FCGR1A: variants seen among roughly 807,000 people sequenced by gnomAD.
The protein encoded by FCGR1A is high affinity immunoglobulin gamma Fc receptor I.
FCGR1A carries 13 observed loss-of-function variants against 35.0 expected under a neutral mutation model. The ratio of observed to expected loss-of-function variants is 0.37; its 90% CI spans 0.24 to 0.59. FCGR1A has a LOEUF of 0.59. FCGR1A is among the 20% of genes least tolerant of loss of function. FCGR1A has a pLI of 0.71. For synonymous variants in FCGR1A, 91 were observed against 164.7 expected, an observed-to-expected ratio of 0.55 and a Z score of 3.43; for missense variants, 227 against 430.0, an observed-to-expected ratio of 0.53 and a Z score of 4.17.
At chr1:149,800,123 C>T in the FCGR1A span, among the ~76,000 whole-genome samples, 1 of 151,934 alleles carries the variant, frequency 6.6e-6, no homozygotes, top group Non-Finnish European at 1.5e-5. Flanking sequence ...TAGAGCAGTT[C>T]ATGAAACTCA....
downstream of FCGR1A, chr1:149,793,043 C>T (rs587615524): frequency 4.8e-6 from 6 of 1,261,646 alleles, no homozygotes; most frequent in South Asian, 7.7e-5. Flanking sequence ...AGCTCCCGGG[C>T]CCCGGCGCGG....
At chr1:149,796,675 C>T (rs1553752822), downstream of FCGR1A, among the ~76,000 whole-genome samples, 1 of 152,142 alleles carries the variant, frequency 6.6e-6, no homozygotes, top group African/African-American at 2.4e-5. Flanking sequence ...ATTGCAATTT[C>T]TTATCCCAAT....
chr1:149,791,120 T>C, intron 5 of FCGR1A, 117 bp from the exon 6 acceptor site: 1 of 1,451,378 alleles, frequency 6.9e-7, no homozygotes, highest in Non-Finnish European at 9.4e-7. Flanking sequence ...AAATGACCAG[T>C]GCCTCCCTGA....
At chr1:149,793,176 A>C (rs1200667098), downstream of FCGR1A, 3 of 1,279,306 alleles carry the variant, frequency 2.3e-6, no homozygotes, top group Non-Finnish European at 3.0e-6. Context: ...AGGAAACGGG[A>C]GGACGGCGCT....
the FCGR1A span, among the ~76,000 whole-genome samples, chr1:149,797,431 T>C: frequency 6.6e-6 from 1 of 152,218 alleles, no homozygotes; most frequent in African/African-American, 2.4e-5. Context: ...GCTTTTTCAA[T>C]AGTAAGTTTA....
chr1:149,788,686 C>T (rs1285346886), intron 4 of FCGR1A, 69 bp downstream of exon 4: 5 of 1,550,530 alleles, frequency 3.2e-6, no homozygotes, highest in African/African-American at 1.4e-5. Context: ...ATATTCTAAA[C>T]TCCTCACTTT....
chr1:149,793,887 T>C (rs587623488), downstream of FCGR1A: 2 of 1,285,492 alleles, frequency 1.6e-6, no homozygotes, highest in African/African-American at 1.5e-5. Context: ...ACAGGAAGAG[T>C]TGGGTCCATT....
At position 149,782,977 on chromosome 1, in the gene FCGR1A, G is replaced by A. The variant is rs375786643; in HGVS notation, c.32-193G>A. On this transcript the variant is annotated intron_variant, in intron 1 of 5. Transcript: ENST00000369168. ...AGGTAGCATTAAGCCTGGACGCACC[G>A]CAGTGAAGTTTCCTTGATAACCACC... 460 of 611,716 alleles carry A rather than the reference G, an allele frequency of 7.5e-4. 1 individual carries two copies. The highest frequency in any genetic ancestry group is 6.1e-3 in the South Asian group (306 of 50,280). The allele number at this position is 611,716 out of a possible 1,614,324, so 37.9% of individuals were successfully genotyped here.
Position 149,784,284 on chromosome 1 carries a change from C to G in FCGR1A, c.307+27C>G, listed in dbSNP as rs782586399. 3.7e-6 allele frequency: 6 copies of G among 1,609,124 alleles called. No individual in the cohort carries two copies. The South Asian group carries it at 6.6e-5, about 18-fold the overall frequency. On this transcript the variant is annotated intron_variant, in intron 3 of 5. Coordinates refer to ENST00000369168, the MANE Select transcript of FCGR1A (RefSeq NM_000566.4). ...TAATTATGACTTGGACCAGGAGGGC[C>G]GGAAACCACAAGGTCTTCCTCTGCG...
At position 149,782,699 on chromosome 1, in the gene FCGR1A, C is replaced by A. The variant is rs1553750330; in HGVS notation, c.-45C>A. 2.0e-6 allele frequency: 3 copies of A among 1,517,684 alleles called. No individual in the cohort carries two copies. The highest frequency in any genetic ancestry group is 1.1e-5 in the South Asian group (1 of 87,334). The allele number at this position is 1,517,684 out of a possible 1,614,324, so 94.0% of individuals were successfully genotyped here. A position where few individuals can be genotyped will look rare whatever the true frequency, so the allele number is the denominator to read the frequency against. ...GCCACCAGCAGAACCTCTTCAATAT[C>A]TTGCATGTTACAGATTTCACTGCTC... is the stretch of plus-strand genomic sequence containing the variant. On this transcript the variant is annotated 5_prime_UTR_variant, in exon 1 of 6. Coordinates refer to ENST00000369168, the MANE Select transcript of FCGR1A (RefSeq NM_000566.4).
chr1:149,788,218 T>C, intron 3 of FCGR1A, 148 bp from the exon 4 acceptor site: 1 of 1,553,526 alleles, frequency 6.4e-7, no homozygotes, highest in East Asian at 2.3e-5. Flanking sequence ...GCTAAAGATA[T>C]TTGAGGAACT....
At chr1:149,793,658 C>T (rs1238361140), downstream of FCGR1A, among the ~76,000 whole-genome samples, 8 of 151,686 alleles carry the variant, frequency 5.3e-5, no homozygotes, top group East Asian at 1.5e-3. Flanking sequence ...CAAGCCAAAG[C>T]ACAGCTCCCC....
chr1:149,784,365 T>A (rs1345243914), intron 3 of FCGR1A, 108 bp downstream of exon 3: 1 of 1,607,152 alleles, frequency 6.2e-7, no homozygotes, highest in African/African-American at 1.3e-5. Flanking sequence ...GGTGCAGGTC[T>A]CAGCACTATG....
At chr1:149,789,367 T>G (rs1297010190) in intron 4 of FCGR1A, among the ~76,000 whole-genome samples, 1 of 151,134 alleles carries the variant, frequency 6.6e-6, no homozygotes, top group African/African-American at 2.4e-5. Context: ...CACTCCAGCC[T>G]GGGCAACAGA....
rs80039899 is a variant in FCGR1A at position 149,784,064 on chromosome 1, C to T, written c.114C>T (p.Thr38=). The change falls in exon 3 of 6, where the codon ACC becomes ACT. Residue 38 remains threonine, a synonymous_variant. Coordinates refer to ENST00000369168, the MANE Select transcript of FCGR1A (RefSeq NM_000566.4). ...GGGTCAGCGTGTTCCAAGAGGAAAC[C>T]GTAACCTTGCACTGTGAGGTGCTCC... is the stretch of plus-strand genomic sequence containing the variant. ...PPWVSVFQEE[T]VTLHCEVLHL... 10,785 of 1,610,810 alleles carry T rather than the reference C, an allele frequency of 6.7e-3. 204 individuals carry two copies. Among genetic ancestry groups the T allele is most frequent in the African/African-American group, 0.047 (3,522 of 74,232 alleles).
Position 149,790,074 on chromosome 1 carries a change from C to G in FCGR1A, c.580C>G (p.Leu194Val). 6.2e-7 allele frequency: 1 copy of G among 1,613,816 alleles called. No homozygotes were observed. Among genetic ancestry groups the G allele is most frequent in the Non-Finnish European group, 8.5e-7 (1 of 1,179,872 alleles). ...TVKELFPAPV[L>V]NASVTSPLLE... ...CTTAGAGCTATTTCCAGCTCCAGTG[C>G]TGAATGCATCTGTGACATCCCCACT... The change falls in exon 5 of 6, where the codon CTG (leucine) becomes GTG (valine). Residue 194 changes from leucine to valine, a missense_variant. Physicochemically the swap from Leu to Val is conservative, Grantham distance 32. Around this residue, in one of 3 missense-constraint regions of FCGR1A, gnomAD observed 185 missense variants for 306.6 expected, o/e 0.60. Transcript: ENST00000369168.
At chr1:149,799,624 A>G in the FCGR1A span, among the ~76,000 whole-genome samples, 1 of 152,212 alleles carries the variant, frequency 6.6e-6, no homozygotes, top group African/African-American at 2.4e-5. Flanking sequence ...CTTATTTGGT[A>G]GATTTGTATT....
At chr1:149,799,874 G>A in the FCGR1A span, among the ~76,000 whole-genome samples, 12 of 152,284 alleles carry the variant, frequency 7.9e-5, no homozygotes, top group East Asian at 1.9e-4. Flanking sequence ...GAAGACTGAC[G>A]GCGGAGGGGG....
chr1:149,798,876 G>A, the FCGR1A span, among the ~76,000 whole-genome samples: 1 of 151,802 alleles, frequency 6.6e-6, no homozygotes, highest in African/African-American at 2.4e-5. Context: ...GCTTCCCAAA[G>A]TGCCAGGATT....
Sources: gnomAD v4.1 joint callset for allele counts (sites outside exome capture counted in the v4.1 genomes callset) on GRCh38, gnomAD v4.1.1 for gene constraint, gnomAD v4.1.1 regional missense constraint, MANE v1.5 for transcripts, NCBI Gene and HGNC (gene_info 2026-07-23, HGNC 2026-07-21) for gene names.